GCSAM: variants seen among roughly 807,000 people sequenced by gnomAD.
The protein encoded by GCSAM is germinal center-associated signaling and motility protein.
GCSAM carries 8 observed loss-of-function variants against 17.6 expected under a neutral mutation model. The observed-to-expected ratio is 0.46, with a 90% CI of 0.27 to 0.82. The LOEUF (loss-of-function observed/expected upper bound fraction) is 0.82, where lower values mean the gene tolerates loss of function less well. GCSAM is among the 40% of genes least tolerant of loss of function. GCSAM has a pLI of 0.15. For synonymous variants in GCSAM, 68 were observed against 69.0 expected (o/e 0.98, Z 0.07); for missense variants, 192 against 213.5 (o/e 0.90, Z 0.63).
Position 112,123,663 on chromosome 3 carries a change from A to G in GCSAM, c.329T>C (p.Val110Ala), listed in dbSNP as rs1162346157. 2 of 1,614,176 alleles carry G rather than the reference A, an allele frequency of 1.2e-6. No individual in the cohort carries two copies. Among genetic ancestry groups the G allele is most frequent in the East Asian group, 4.5e-5 (2 of 44,880 alleles). Reference protein sequence around the residue: ...GNSAEEYYENVPCKAERPRES... With the variant: ...GNSAEEYYENAPCKAERPRES... ...TCTGGGTCTCTCAGCTTTGCAGGGA[A>G]CATTCTCATAGTACTCTTCAGCAGA... is the stretch of plus-strand genomic sequence containing the variant. Residue 110 changes from valine to alanine, a missense_variant, in exon 6 of 6, where the codon GTT (valine) becomes GCT (alanine). Val to Ala is a moderately conservative substitution (Grantham distance 64). Transcript: ENST00000308910.
In GCSAM at chr3:112,130,437, G is replaced by GCT; in HGVS notation, c.98+6_98+7dup. ...GTCTGGGGGGTGTTTGGTTGATTTT[G>GCT]CTCTCACCTGGATGTTCTCTGTTTG... On this transcript the variant is annotated splice_region_variant and intron_variant, in intron 2 of 5. Coordinates refer to ENST00000308910, the MANE Select transcript of GCSAM (RefSeq NM_152785.5). 1 of 1,612,592 alleles carries GCT rather than the reference G, an allele frequency of 6.2e-7. No individual in the cohort carries two copies. The highest frequency in any genetic ancestry group is 1.1e-5 in the South Asian group (1 of 91,034).
chr3:112,123,198 C>T lies in GCSAM; in HGVS notation c.*257G>A, dbSNP rs376594034. 48 of 567,062 alleles carry T rather than the reference C, an allele frequency of 8.5e-5. No homozygotes were observed. In the African/African-American group the frequency reaches 9.1e-4, roughly 11 times the overall value. The allele number at this position is 567,062 out of a possible 1,614,324, so 35.1% of individuals were successfully genotyped here. A position where few individuals can be genotyped will look rare whatever the true frequency, so the allele number is the denominator to read the frequency against. The stretch of plus-strand genomic sequence containing the variant: ...GGGAATCAGGGAGCCCCTCCTACCA[C>T]TATACTCTCCAAACCATGTAGAACC... On this transcript the variant is annotated 3_prime_UTR_variant, in exon 6 of 6. Coordinates refer to ENST00000308910, the MANE Select transcript of GCSAM (RefSeq NM_152785.5).
Position 112,123,631 on chromosome 3 carries a change from A to G in GCSAM, c.361T>C (p.Leu121=), listed in dbSNP as rs752286329. Residue 121 remains leucine (L), a synonymous_variant, in exon 6 of 6, where the codon TTG becomes CTG. Transcript: ENST00000308910. ...GAATACTCAGTCTCAGTTCCTCCCA[A>G]GGACTCTCTGGGTCTCTCAGCTTTG... ...PCKAERPRES[L]GGTETEYSLL... 1.7e-5 allele frequency: 28 copies of G among 1,614,032 alleles called. No homozygotes were observed. The highest frequency in any genetic ancestry group is 1.6e-4 in the Middle Eastern group (1 of 6,084).
intron 2 of GCSAM, chr3:112,129,432 C>G (rs922679387): frequency 3.3e-5 from 5 of 152,198 alleles, no homozygotes; most frequent in African/African-American, 1.2e-4. Context: ...TTTATTCTTG[C>G]ATTTCAACAT....
chr3:112,125,396 A>T (rs989173062), intron 4 of GCSAM, 142 bp from the exon 5 acceptor site: 17 of 646,854 alleles, frequency 2.6e-5, no homozygotes, highest in Non-Finnish European at 4.2e-5. Context: ...TCTACAGCAC[A>T]TCCCTGGGGA....
In GCSAM at chr3:112,130,867, C is replaced by T. The variant is rs1053802060; in HGVS notation, c.30-354G>A. 13 of 296,498 alleles carry T rather than the reference C, an allele frequency of 4.4e-5. No individual in the cohort carries two copies. The Admixed American group carries it at 4.7e-4, about 11-fold the overall frequency. 18.4% of individuals were successfully genotyped at this position (296,498 alleles called of 1,614,324 possible). A position where few individuals can be genotyped will look rare whatever the true frequency, so the allele number is the denominator to read the frequency against. On this transcript the variant is annotated intron_variant, in intron 1 of 5. Coordinates refer to ENST00000308910, the MANE Select transcript of GCSAM (RefSeq NM_152785.5). ...CAGCTACCATCTCTTTGGTGCAGTT[C>T]CAGGAGCTATGCACAAGTAATGGGG... is the stretch of plus-strand genomic sequence containing the variant.
intron 4 of GCSAM, among the ~76,000 whole-genome samples, chr3:112,125,718 G>A (rs1196433292): frequency 6.6e-6 from 1 of 152,218 alleles, no homozygotes; most frequent in South Asian, 2.1e-4. Context: ...TGGAGCAGAG[G>A]GCCGTCGTTT....
intron 3 of GCSAM, among the ~76,000 whole-genome samples, chr3:112,127,547 A>G (rs7651558): frequency 0.36 from 54,913 of 152,038 alleles, 10,054 homozygotes; most frequent in South Asian, 0.44. Flanking sequence ...CTGTGAGGGT[A>G]ACCCTATGTC....
chr3:112,126,942 G>A (rs772682638), intron 4 of GCSAM, 45 bp downstream of exon 4: 3 of 1,275,358 alleles, frequency 2.4e-6, no homozygotes, highest in Admixed American at 3.5e-5. Flanking sequence ...GTTTGGAAAT[G>A]TAAGTCTTAT....
chr3:112,127,154 C>CT (rs1375803435), intron 3 of GCSAM, 121 bp from the exon 4 acceptor site: 1 of 613,404 alleles, frequency 1.6e-6, no homozygotes, highest in Non-Finnish European at 2.8e-6. Flanking sequence ...ATAATACCTC[C>CT]TTCAGCATAG....
chr3:112,124,042 C>T, intron 5 of GCSAM, among the ~76,000 whole-genome samples: 1 of 152,166 alleles, frequency 6.6e-6, no homozygotes, highest in East Asian at 1.9e-4. Context: ...GGATATTCGT[C>T]CCCTGCAAAT....
intron 4 of GCSAM, among the ~76,000 whole-genome samples, chr3:112,126,528 T>C (rs1450377372): frequency 2.0e-5 from 3 of 152,212 alleles, no homozygotes; most frequent in African/African-American, 7.2e-5. Flanking sequence ...ATTTGTTTTC[T>C]GCACAGGAAC....
chr3:112,126,336 AAC>A (rs2074316660), intron 4 of GCSAM, among the ~76,000 whole-genome samples: 1 of 152,212 alleles, frequency 6.6e-6, no homozygotes, highest in African/African-American at 2.4e-5. Flanking sequence ...CTTCTTCAGA[AAC>A]ACAATGGCTT....
chr3:112,125,930 C>G (rs892185575), intron 4 of GCSAM, among the ~76,000 whole-genome samples: 4 of 152,214 alleles, frequency 2.6e-5, no homozygotes, highest in Non-Finnish European at 5.9e-5. Context: ...TTGCTACCCT[C>G]TTGCAAACAC....
intron 2 of GCSAM, chr3:112,129,033 A>G (rs1393647364): frequency 6.6e-6 from 1 of 152,210 alleles, no homozygotes; most frequent in Non-Finnish European, 1.5e-5. Flanking sequence ...TGCTTGGCTG[A>G]GCATTCTGAC....
chr3:112,132,650 G>A, intron 1 of GCSAM: 1 of 987,274 alleles, frequency 1.0e-6, no homozygotes, highest in Non-Finnish European at 1.2e-6. Context: ...CTTGCAGGGA[G>A]TGCACATCAA....
Position 112,130,399 on chromosome 3 carries a change from C to G in GCSAM, c.98+46G>C, listed in dbSNP as rs780261537. On this transcript the variant is annotated intron_variant, in intron 2 of 5. Coordinates refer to ENST00000308910, the MANE Select transcript of GCSAM (RefSeq NM_152785.5). ...AGTCCAGGGCTTGACATACTTCGTT[C>G]TCCTTGGGCAAGGTCTGGGGGGTGT... 6.6e-6 allele frequency: 10 copies of G among 1,509,038 alleles called. No homozygotes were observed. In the South Asian group the frequency reaches 1.0e-4, roughly 15 times the overall value. 93.5% of individuals were successfully genotyped at this position (1,509,038 alleles called of 1,614,324 possible).
At chr3:112,126,283 T>TTC (rs1218121119) in intron 4 of GCSAM, among the ~76,000 whole-genome samples, 1 of 152,202 alleles carries the variant, frequency 6.6e-6, no homozygotes, top group Non-Finnish European at 1.5e-5. Context: ...ATGAATTAGG[T>TTC]TCTCCTCTTT....
intron 2 of GCSAM, 61 bp downstream of exon 2, chr3:112,130,384 T>C: frequency 7.3e-7 from 1 of 1,360,996 alleles, no homozygotes; most frequent in Non-Finnish European, 1.1e-6. Context: ...AGTCCAGGGC[T>C]TGACATACTT....
Sources: gnomAD v4.1 joint callset for allele counts (sites outside exome capture counted in the v4.1 genomes callset) on GRCh38, gnomAD v4.1.1 for gene constraint, MANE v1.5 for transcripts, NCBI Gene and HGNC (gene_info 2026-07-23, HGNC 2026-07-21) for gene names.